PDZD2: variants seen among roughly 807,000 people sequenced by gnomAD.
PDZD2 encodes PDZ domain containing 2.
A neutral mutation model predicts 220.7 loss-of-function variants in PDZD2; 90 were observed. The ratio of observed to expected loss-of-function variants is 0.41; its 90% CI spans 0.34 to 0.49. PDZD2 has a LOEUF of 0.49. Among genes scored for constraint, PDZD2 ranks in the 20% least tolerant of loss-of-function variants. The probability of loss-of-function intolerance (pLI) is 0.28; values close to 1 mark genes in which losing one functional copy is unlikely to be tolerated. For missense variants in PDZD2, 3,174 were observed against 3,608.5 expected (o/e 0.88, Z 3.08); for synonymous variants, 1,375 against 1,450.5 (o/e 0.95, Z 1.18).
intron 2 of PDZD2, among the ~76,000 whole-genome samples, chr5:31,895,340 A>G (rs1297600542): frequency 6.6e-6 from 1 of 152,114 alleles, no homozygotes; most frequent in East Asian, 1.9e-4. Context: ...CATGAATGGG[A>G]TGAGTGCCAT....
chr5:31,705,110 G>A (rs749638586), intron 1 of PDZD2, among the ~76,000 whole-genome samples: 17 of 152,078 alleles, frequency 1.1e-4, no homozygotes, highest in Non-Finnish European at 2.4e-4. Flanking sequence ...GCAGTGAGCC[G>A]AGACTGTGCC....
At chr5:31,775,056 C>T (rs1028801356) in intron 1 of PDZD2, among the ~76,000 whole-genome samples, 1 of 152,180 alleles carries the variant, frequency 6.6e-6, no homozygotes, top group African/African-American at 2.4e-5. Flanking sequence ...TGGGAAACAT[C>T]GAGAGCCAAC....
rs771912647 is a variant in PDZD2, at chr5:32,089,532, G to T, written c.6084G>T (p.Ala2028=). The change falls in exon 20 of 25, where the codon GCG becomes GCT. Residue 2028 remains alanine, a synonymous_variant. Transcript: ENST00000438447. ...CTAAGTGTAGAGCAGAGGGCAGGGC[G>T]CCCCGTGCTGACTCCGGGCCGGTGA... ...KSPKCRAEGR[A]PRADSGPVSP... The T allele has an allele frequency of 6.2e-7, 1 of 1,612,134 alleles. No individual in the cohort carries two copies. Among genetic ancestry groups the T allele is most frequent in the East Asian group, 2.2e-5 (1 of 44,874 alleles).
chr5:31,945,550 G>A (rs1246558874), intron 2 of PDZD2, among the ~76,000 whole-genome samples: 1 of 152,170 alleles, frequency 6.6e-6, no homozygotes, highest in African/African-American at 2.4e-5. Context: ...CCCCGTTAAT[G>A]TAGAGGGCTG....
At chr5:31,728,582 C>A (rs575663357) in intron 1 of PDZD2, among the ~76,000 whole-genome samples, 3 of 152,146 alleles carry the variant, frequency 2.0e-5, no homozygotes, top group African/African-American at 7.2e-5. Context: ...TCTGATGCTT[C>A]GTTATAGCTT....
intron 2 of PDZD2, among the ~76,000 whole-genome samples, chr5:31,961,387 T>C (rs62360562): frequency 7.7e-6 from 1 of 130,116 alleles, no homozygotes; most frequent in East Asian, 2.4e-4. Flanking sequence ...AAAAAAAAAT[T>C]AGCCAGGCAT....
At chr5:31,788,217 A>C (rs1186540204) in intron 1 of PDZD2, among the ~76,000 whole-genome samples, 1 of 151,960 alleles carries the variant, frequency 6.6e-6, no homozygotes, top group Non-Finnish European at 1.5e-5. Context: ...CTAAAAATAC[A>C]AAAATTAGCT....
intron 2 of PDZD2, among the ~76,000 whole-genome samples, chr5:31,884,852 A>G (rs921825967): frequency 6.6e-6 from 1 of 152,128 alleles, no homozygotes; most frequent in African/African-American, 2.4e-5. Flanking sequence ...CATGTTGGCC[A>G]GGCTGGTTTC....
rs1177954149 is a variant in PDZD2, at chr5:32,074,465, C to T, written c.3359C>T (p.Pro1120Leu). The change falls in exon 18 of 25, where the codon CCA (proline) becomes CTA (leucine). Residue 1120 changes from proline to leucine, a missense_variant. Pro to Leu is a moderately conservative substitution (Grantham distance 98). Around this residue, in one of 4 missense-constraint regions of PDZD2, gnomAD observed 1,861 missense variants for 2,001.0 expected, o/e 0.93. Coordinates refer to ENST00000438447, the MANE Select transcript of PDZD2 (RefSeq NM_178140.4). ...KSEGLGSRHR[P>L]VARVSPHCKR... ...GAAGGCCTGGGCTCCAGGCACAGAC[C>T]AGTGGCCAGGGTAAGCCCCCACTGC... is the stretch of plus-strand genomic sequence containing the variant. 3 of 1,613,998 alleles carry T rather than the reference C, an allele frequency of 1.9e-6. No individual in the cohort carries two copies. The African/African-American group carries it at 4.0e-5, about 22-fold the overall frequency.
At chr5:31,834,008 G>A (rs866966991) in intron 2 of PDZD2, among the ~76,000 whole-genome samples, 1 of 152,252 alleles carries the variant, frequency 6.6e-6, no homozygotes, top group Admixed American at 6.5e-5. Flanking sequence ...GTTCTATGGG[G>A]TGTCCACTCT....
At chr5:31,653,991 A>G (rs1745449844) in intron 1 of PDZD2, among the ~76,000 whole-genome samples, 2 of 152,134 alleles carry the variant, frequency 1.3e-5, no homozygotes, top group South Asian at 4.1e-4. Flanking sequence ...TCACCGTGTT[A>G]GCCAGTATGG....
intron 2 of PDZD2, among the ~76,000 whole-genome samples, chr5:31,827,235 T>A (rs1756284094): frequency 6.6e-6 from 1 of 152,212 alleles, no homozygotes; most frequent in African/African-American, 2.4e-5. Flanking sequence ...CTGTTTCAGC[T>A]CTGGAACTGC....
At chr5:31,736,549 A>C (rs904197798) in intron 1 of PDZD2, among the ~76,000 whole-genome samples, 1 of 152,266 alleles carries the variant, frequency 6.6e-6, no homozygotes. Context: ...CTGTTTATGC[A>C]GATGGAACTA....
chr5:31,826,205 G>C (rs916188215), intron 2 of PDZD2, among the ~76,000 whole-genome samples: 1 of 152,156 alleles, frequency 6.6e-6, no homozygotes, highest in South Asian at 2.1e-4. Flanking sequence ...TTTCATGCCC[G>C]GCTGTGGGCT....
chr5:31,665,561 G>A (rs1190208264), intron 1 of PDZD2, among the ~76,000 whole-genome samples: 1 of 152,096 alleles, frequency 6.6e-6, no homozygotes, highest in African/African-American at 2.4e-5. Context: ...GGATCATGGG[G>A]GCGGTTTCCC....
At chr5:31,810,553 C>CCG (rs1755052311) in intron 2 of PDZD2, among the ~76,000 whole-genome samples, 1 of 152,168 alleles carries the variant, frequency 6.6e-6, no homozygotes, top group Non-Finnish European at 1.5e-5. Flanking sequence ...GCTTGAGCCA[C>CCG]CACGACCAGC....
At chr5:31,650,702 G>A (rs1299691981) in intron 1 of PDZD2, among the ~76,000 whole-genome samples, 3 of 152,132 alleles carry the variant, frequency 2.0e-5, no homozygotes, top group Non-Finnish European at 4.4e-5. Context: ...CCCTTAAAGG[G>A]AAGGCAGAGA....
chr5:31,995,554 T>C (rs1214519613), intron 3 of PDZD2, 22 bp from the exon 4 acceptor site: 3 of 1,613,772 alleles, frequency 1.9e-6, no homozygotes, highest in South Asian at 2.2e-5. Context: ...TCCTTCATGG[T>C]GTGCTCACTT....
At chr5:31,792,268 G>A in intron 1 of PDZD2, among the ~76,000 whole-genome samples, 1 of 152,210 alleles carries the variant, frequency 6.6e-6, no homozygotes, top group East Asian at 1.9e-4. Context: ...GTTCAGGGGG[G>A]CAAGGTCATC....
Sources: gnomAD v4.1 joint callset for allele counts (sites outside exome capture counted in the v4.1 genomes callset) on GRCh38, gnomAD v4.1.1 for gene constraint, gnomAD v4.1.1 regional missense constraint, MANE v1.5 for transcripts, NCBI Gene and HGNC (gene_info 2026-07-23, HGNC 2026-07-21) for gene names.